DPP10: variants seen among roughly 807,000 people sequenced by gnomAD.
DPP10 encodes inactive dipeptidyl peptidase 10.
A neutral mutation model predicts 120.9 loss-of-function variants in DPP10; 33 were observed. That is an observed-to-expected ratio of 0.27 (90% CI 0.21 to 0.37). The LOEUF (loss-of-function observed/expected upper bound fraction) is 0.37, where lower values mean the gene tolerates loss of function less well. DPP10 is among the 10% of genes least tolerant of loss of function. The pLI is 1.00. For synonymous variants in DPP10, 337 were observed against 326.1 expected, an observed-to-expected ratio of 1.03 and a Z score of -0.36; for missense variants, 816 against 942.8, an observed-to-expected ratio of 0.87 and a Z score of 1.76.
chr2:115,600,616 T>C (rs1462100387), intron 5 of DPP10, among the ~76,000 whole-genome samples: 2 of 152,218 alleles, frequency 1.3e-5, no homozygotes, highest in African/African-American at 2.4e-5. Context: ...CATTCACATT[T>C]AATTATCTTA....
chr2:114,690,004 T>A (rs774527996), intron 1 of DPP10, among the ~76,000 whole-genome samples: 1 of 152,098 alleles, frequency 6.6e-6, no homozygotes, highest in Non-Finnish European at 1.5e-5. Context: ...GATGGATAGA[T>A]TGCAAAATTT....
At chr2:115,398,009 C>T (rs1286000629) in intron 3 of DPP10, among the ~76,000 whole-genome samples, 1 of 152,112 alleles carries the variant, frequency 6.6e-6, no homozygotes, top group African/African-American at 2.4e-5. Context: ...CGGCCAATTT[C>T]TAATTTGATA....
At chr2:114,952,751 A>C (rs965495084) in intron 1 of DPP10, among the ~76,000 whole-genome samples, 11 of 152,198 alleles carry the variant, frequency 7.2e-5, no homozygotes, top group African/African-American at 2.7e-4. Context: ...CTCTATCAGG[A>C]GGAGGTAAAA....
chr2:115,334,026 C>T (rs1559440578), intron 2 of DPP10, among the ~76,000 whole-genome samples: 1 of 151,812 alleles, frequency 6.6e-6, no homozygotes, highest in African/African-American at 2.4e-5. Flanking sequence ...GATTGGTGTA[C>T]TTGAAAGTGA....
chr2:115,479,059 A>G (rs1300657834), intron 3 of DPP10, among the ~76,000 whole-genome samples: 1 of 152,190 alleles, frequency 6.6e-6, no homozygotes, highest in Non-Finnish European at 1.5e-5. Context: ...CTGGATAAAT[A>G]CCCAAATGAA....
chr2:115,185,375 T>C (rs1340928960), intron 1 of DPP10, among the ~76,000 whole-genome samples: 1 of 152,140 alleles, frequency 6.6e-6, no homozygotes, highest in Non-Finnish European at 1.5e-5. Context: ...GAATTTAAAT[T>C]TGCAACACCC....
At chr2:115,082,750 C>G (rs917145752) in intron 1 of DPP10, among the ~76,000 whole-genome samples, 1 of 152,196 alleles carries the variant, frequency 6.6e-6, no homozygotes, top group Non-Finnish European at 1.5e-5. Flanking sequence ...CATGAGCAAT[C>G]TCTCTTTAGA....
chr2:115,683,607 G>C (rs2090798609), intron 5 of DPP10, among the ~76,000 whole-genome samples: 1 of 151,784 alleles, frequency 6.6e-6, no homozygotes, highest in African/African-American at 2.4e-5. Context: ...AGAGGTATGT[G>C]AGTACTCTCT....
At chr2:115,759,685 A>C (rs1456325825) in intron 11 of DPP10, among the ~76,000 whole-genome samples, 1 of 129,332 alleles carries the variant, frequency 7.7e-6, no homozygotes, top group Non-Finnish European at 1.6e-5. Context: ...ATACACACAC[A>C]CATATATATA....
rs924505787 is a variant in DPP10 at position 115,467,580 on chromosome 2, G to GA, written c.272-31920dup. Reference sequence around the variant, plus strand: ...TGCCAAAACGAGACTCTGACTCAAAGAAAAAAAAAAGAGACACTGAAAAAA... The same window carrying GA: ...TGCCAAAACGAGACTCTGACTCAAAGAAAAAAAAAAAGAGACACTGAAAAAA... On this transcript the variant is annotated intron_variant, in intron 3 of 25. Transcript: ENST00000410059. Among the ~76,000 whole-genome samples, 321 of 143,114 alleles carry GA rather than the reference G, an allele frequency of 2.2e-3. 2 individuals carry two copies. Among genetic ancestry groups the GA allele is most frequent in the African/African-American group, 7.7e-3 (301 of 39,034 alleles). 93.9% of individuals were successfully genotyped at this position (143,114 alleles called of 152,430 possible). A position where few individuals can be genotyped will look rare whatever the true frequency, so the allele number is the denominator to read the frequency against.
chr2:114,984,753 G>A (rs2104881848), intron 1 of DPP10, among the ~76,000 whole-genome samples: 1 of 152,286 alleles, frequency 6.6e-6, no homozygotes, highest in Non-Finnish European at 1.5e-5. Context: ...TCTCTACTGT[G>A]ATATCAGAGC....
At chr2:115,383,856 G>T (rs1332310954) in intron 3 of DPP10, among the ~76,000 whole-genome samples, 2 of 152,086 alleles carry the variant, frequency 1.3e-5, no homozygotes, top group Non-Finnish European at 2.9e-5. Flanking sequence ...AAAGTTAGTT[G>T]AGATTATTTC....
At chr2:115,756,697 G>A (rs748801044) in intron 11 of DPP10, among the ~76,000 whole-genome samples, 7 of 152,130 alleles carry the variant, frequency 4.6e-5, no homozygotes, top group African/African-American at 7.2e-5. Context: ...AATAAATCCT[G>A]TAATTCCTTG....
chr2:115,407,787 T>C (rs1214078608), intron 3 of DPP10, among the ~76,000 whole-genome samples: 1 of 152,082 alleles, frequency 6.6e-6, no homozygotes, highest in Non-Finnish European at 1.5e-5. Context: ...CTCTTCCCAG[T>C]TTGGAGGATG....
At position 114,455,243 on chromosome 2, in the gene DPP10, G is replaced by GT. The variant is rs529456955; in HGVS notation, c.60+12409dup. On this transcript the variant is annotated intron_variant, in intron 1 of 25. Transcript: ENST00000410059. Reference sequence around the variant, plus strand: ...ATAAGTTAGAAGAGATAAGAGGTGGGTTTTAAAAACGTAAATACAGGCCAG... The same window carrying GT: ...ATAAGTTAGAAGAGATAAGAGGTGGGTTTTTAAAAACGTAAATACAGGCCAG... 6.3e-4 allele frequency among the ~76,000 whole-genome samples: 95 copies of GT among 151,682 alleles called. 2 individuals carry two copies. Among genetic ancestry groups the GT allele is most frequent in the African/African-American group, 2.3e-3 (94 of 41,350 alleles).
intron 1 of DPP10, among the ~76,000 whole-genome samples, chr2:114,970,734 A>T (rs530175774): frequency 1.3e-5 from 2 of 152,322 alleles, no homozygotes; most frequent in East Asian, 3.9e-4. Context: ...AGGATTTAAC[A>T]ATACAGTTGT....
At chr2:115,429,015 A>C (rs1211779384) in intron 3 of DPP10, among the ~76,000 whole-genome samples, 1 of 152,198 alleles carries the variant, frequency 6.6e-6, no homozygotes, top group East Asian at 1.9e-4. Context: ...TAGCGACATA[A>C]GAAAAGTAAA....
At chr2:115,442,412 C>G (rs2072163450) in intron 3 of DPP10, among the ~76,000 whole-genome samples, 1 of 151,292 alleles carries the variant, frequency 6.6e-6, no homozygotes, top group South Asian at 2.1e-4. Context: ...TTAGAAATCT[C>G]TAGGTGTTAT....
chr2:115,500,990 A>T (rs746283763), intron 4 of DPP10, among the ~76,000 whole-genome samples: 2 of 152,060 alleles, frequency 1.3e-5, no homozygotes, highest in Non-Finnish European at 2.9e-5. Context: ...AGAATTGATA[A>T]TGATGAGAAG....
Sources: gnomAD v4.1 joint callset for allele counts (sites outside exome capture counted in the v4.1 genomes callset) on GRCh38, gnomAD v4.1.1 for gene constraint, MANE v1.5 for transcripts, NCBI Gene and HGNC (gene_info 2026-07-23, HGNC 2026-07-21) for gene names.